The following MSH3 variants were observed in gnomAD, a reference collection of about 807,000 sequenced individuals.
MSH3 encodes the protein mutS homolog 3, also known as DNA mismatch repair protein Msh3.
Under a neutral mutation model 123.3 loss-of-function variants are expected in MSH3, and 106 were observed. The observed-to-expected ratio is 0.86, with a 90% CI of 0.73 to 1.01. The LOEUF (loss-of-function observed/expected upper bound fraction) is 1.01, where lower values mean the gene tolerates loss of function less well. Ranked by LOEUF, MSH3 falls within the 50% of genes least tolerant of loss-of-function variation. The probability of loss-of-function intolerance (pLI) is 0.00; values close to 1 mark genes in which losing one functional copy is unlikely to be tolerated. For synonymous variants in MSH3, 515 were observed against 481.4 expected, an observed-to-expected ratio of 1.07 and a Z score of -0.91; for missense variants, 1,459 against 1,347.6, an observed-to-expected ratio of 1.08 and a Z score of -1.29.
chr5:80,818,496 G>A (rs1228200597), intron 20 of MSH3, among the ~76,000 whole-genome samples: 1 of 147,154 alleles, frequency 6.8e-6, no homozygotes, highest in Non-Finnish European at 1.5e-5. Context: ...CCAACATACA[G>A]ATCTTAATTC....
At chr5:80,865,904 C>A (rs1460867803) in intron 22 of MSH3, among the ~76,000 whole-genome samples, 1 of 152,194 alleles carries the variant, frequency 6.6e-6, no homozygotes, top group African/African-American at 2.4e-5. Flanking sequence ...CACCACCATG[C>A]AATCTTGAAA....
At chr5:80,856,608 G>A (rs901438132) in intron 21 of MSH3, among the ~76,000 whole-genome samples, 7 of 151,204 alleles carry the variant, frequency 4.6e-5, no homozygotes, top group Admixed American at 2.0e-4. Flanking sequence ...GTTAAATGAC[G>A]AGTTAATGGG....
intron 20 of MSH3, among the ~76,000 whole-genome samples, chr5:80,829,307 T>A (rs774589009): frequency 8.5e-5 from 13 of 152,234 alleles, no homozygotes; most frequent in Non-Finnish European, 1.5e-5. Context: ...GCTTCCTATT[T>A]TGGCTGATCC....
rs5869045 is a variant in MSH3 at position 80,692,017 on chromosome 5, T to TTAGA, written c.1340+12931_1340+12934dup. Among the ~76,000 whole-genome samples the TTAGA allele has an allele frequency of 6.9e-5, 6 of 86,800 alleles. 1 individual carries two copies. Among genetic ancestry groups the TTAGA allele is most frequent in the African/African-American group, 2.5e-4 (6 of 24,396 alleles). The allele number at this position is 86,800 out of a possible 152,430, so 56.9% of individuals were successfully genotyped here. A position where few individuals can be genotyped will look rare whatever the true frequency, so the allele number is the denominator to read the frequency against. ...TTTAGATAGATAAACATGTATATGT[T>TTAGA]TAGATAGATAAACAGTATGTTTAGA... On this transcript the variant is annotated intron_variant, in intron 8 of 23. Transcript: ENST00000265081.
chr5:80,707,568 AC>A (rs1267559880), intron 8 of MSH3, among the ~76,000 whole-genome samples: 33 of 148,714 alleles, frequency 2.2e-4, no homozygotes, highest in Non-Finnish European at 1.2e-4. Context: ...AAAAAAAAAA[AC>A]AAAAAAACCC....
chr5:80,746,023 T>TA (rs1247732817), intron 12 of MSH3, among the ~76,000 whole-genome samples: 2 of 152,120 alleles, frequency 1.3e-5, no homozygotes, highest in Non-Finnish European at 2.9e-5. Context: ...TCACTAAAGT[T>TA]AACTGGACAA....
chr5:80,722,364 G>A (rs1019092543), intron 8 of MSH3, among the ~76,000 whole-genome samples: 1 of 152,164 alleles, frequency 6.6e-6, no homozygotes, highest in African/African-American at 2.4e-5. Flanking sequence ...GTTGTTTATA[G>A]TATAGCTTTA....
chr5:80,768,768 A>G (rs908415580), intron 14 of MSH3, 67 bp from the exon 15 acceptor site: 2 of 1,377,502 alleles, frequency 1.5e-6, no homozygotes, highest in Non-Finnish European at 2.0e-6. Flanking sequence ...TCACACTATG[A>G]AAAATAAGCG....
In MSH3 at chr5:80,669,249, C is replaced by T. The variant is rs6151626; in HGVS notation, c.580-848C>T. ...TGGATTGGGGTTCCCATTTCTGGGC[C>T]ATTTTGCTTCTCTCTCACTCTCCCC... On this transcript the variant is annotated intron_variant, in intron 3 of 23. Transcript: ENST00000265081. Among the ~76,000 whole-genome samples, 1,054 of 152,176 alleles carry T rather than the reference C, an allele frequency of 6.9e-3. 5 individuals are homozygous for T. The highest frequency in any genetic ancestry group is 0.012 in the Non-Finnish European group (812 of 68,014).
At chr5:80,761,093 G>A (rs1317112145) in intron 12 of MSH3, among the ~76,000 whole-genome samples, 1 of 152,132 alleles carries the variant, frequency 6.6e-6, no homozygotes. Context: ...TAAAGACAGC[G>A]AGGTTGGGGG....
intron 17 of MSH3, among the ~76,000 whole-genome samples, chr5:80,780,001 C>T (rs573308455): frequency 6.6e-6 from 1 of 152,188 alleles, no homozygotes; most frequent in African/African-American, 2.4e-5. Context: ...CTTCTTTAGT[C>T]TGTTTGAACC....
At chr5:80,807,779 C>A (rs886948220) in intron 19 of MSH3, among the ~76,000 whole-genome samples, 2 of 152,212 alleles carry the variant, frequency 1.3e-5, no homozygotes, top group African/African-American at 4.8e-5. Flanking sequence ...GGACAGGATG[C>A]CATCCCATCA....
At chr5:80,861,590 G>A (rs1417769028) in intron 21 of MSH3, among the ~76,000 whole-genome samples, 1 of 152,170 alleles carries the variant, frequency 6.6e-6, no homozygotes, top group Non-Finnish European at 1.5e-5. Flanking sequence ...CTTGCCTGAA[G>A]CATAAGGGGA....
chr5:80,810,127 T>C (rs1056552212), intron 19 of MSH3, among the ~76,000 whole-genome samples: 1 of 149,000 alleles, frequency 6.7e-6, no homozygotes, highest in Non-Finnish European at 1.5e-5. Context: ...ATCCTGATGT[T>C]ATTTATTATC....
chr5:80,780,207 T>C (rs2112010101), intron 17 of MSH3, among the ~76,000 whole-genome samples: 1 of 152,324 alleles, frequency 6.6e-6, no homozygotes, highest in South Asian at 2.1e-4. Context: ...TAGAGTTTGC[T>C]GATTTCTGTA....
chr5:80,861,616 T>C (rs1459881749), intron 21 of MSH3, among the ~76,000 whole-genome samples: 3 of 152,196 alleles, frequency 2.0e-5, no homozygotes, highest in African/African-American at 7.2e-5. Context: ...CTCCAGTGTT[T>C]ATTGTGAGAA....
Position 80,818,244 on chromosome 5 carries a change from C to T in MSH3, c.2813+4503C>T, listed in dbSNP as rs543507654. ...AAAAGAAAATCAAACTGAAACTGTT[C>T]AGACCTCTAGATCTAGATACCAATT... On this transcript the variant is annotated intron_variant, in intron 20 of 23. Transcript: ENST00000265081. Among the ~76,000 whole-genome samples, 34 of 151,890 alleles carry T rather than the reference C, an allele frequency of 2.2e-4. 1 individual carries two copies. The South Asian group carries it at 6.3e-3, about 28-fold the overall frequency.
chr5:80,672,156 CTTGA>C (rs1355981992), intron 4 of MSH3, 84 bp from the exon 5 acceptor site: 3 of 953,820 alleles, frequency 3.1e-6, no homozygotes, highest in Non-Finnish European at 5.0e-6. Flanking sequence ...AAATGTATAC[CTTGA>C]TTAATTTTTA....
At position 80,692,031 on chromosome 5, in the gene MSH3, A is replaced by AT. The variant is rs760939910; in HGVS notation, c.1340+12938_1340+12939insT. Among the ~76,000 whole-genome samples the AT allele has an allele frequency of 8.5e-4, 37 of 43,462 alleles. 1 individual carries two copies. The highest frequency in any genetic ancestry group is 1.2e-3 in the East Asian group (2 of 1,664). The allele number at this position is 43,462 out of a possible 152,430, so 28.5% of individuals were successfully genotyped here. Reference sequence around the variant, plus strand: ...CATGTATATGTTTAGATAGATAAACAGTATGTTTAGATAGATAAACATGTA... The same window carrying AT: ...CATGTATATGTTTAGATAGATAAACATGTATGTTTAGATAGATAAACATGTA... On this transcript the variant is annotated intron_variant, in intron 8 of 23. Coordinates refer to ENST00000265081, the MANE Select transcript of MSH3 (RefSeq NM_002439.5).
Sources: gnomAD v4.1 joint callset for allele counts (sites outside exome capture counted in the v4.1 genomes callset) on GRCh38, gnomAD v4.1.1 for gene constraint, MANE v1.5 for transcripts, NCBI Gene and HGNC (gene_info 2026-07-23, HGNC 2026-07-21) for gene names.